The following PXDNL variants were observed in gnomAD, a reference collection of about 807,000 sequenced individuals.
PXDNL encodes the protein peroxidasin like.
In PXDNL, 145 loss-of-function variants were observed where a neutral mutation model predicts 150.8. That is an observed-to-expected ratio of 0.96 (90% CI 0.84 to 1.10). PXDNL has a LOEUF of 1.10. Ranked by LOEUF, PXDNL falls within the 50% of genes least tolerant of loss-of-function variation. The pLI is 0.00. For missense variants in PXDNL, 2,087 were observed against 1,873.9 expected (o/e 1.11, Z -2.10); for synonymous variants, 757 against 725.7 (o/e 1.04, Z -0.69).
intron 1 of PXDNL, among the ~76,000 whole-genome samples, chr8:51,672,555 T>C (rs1389417887): frequency 6.6e-6 from 1 of 152,148 alleles, no homozygotes; most frequent in African/African-American, 2.4e-5. Context: ...CCTGAAGCTC[T>C]TGGGGAAAGG....
In PXDNL at chr8:51,453,426, C is replaced by A. The variant is rs1354456175; in HGVS notation, c.1249+93G>T. Reference sequence around the variant, plus strand: ...AAATAATTGGCAAATAAAAATATTTCTCCACTGATGTACATGACATTATTT... The same window carrying A: ...AAATAATTGGCAAATAAAAATATTTATCCACTGATGTACATGACATTATTT... On this transcript the variant is annotated intron_variant, in intron 10 of 22. Coordinates refer to ENST00000356297, the MANE Select transcript of PXDNL (RefSeq NM_144651.5). 4.1e-6 allele frequency: 5 copies of A among 1,225,882 alleles called. No individual in the cohort carries two copies. The African/African-American group carries it at 6.0e-5, about 15-fold the overall frequency. The allele number at this position is 1,225,882 out of a possible 1,614,324, so 75.9% of individuals were successfully genotyped here.
chr8:51,661,619 G>A (rs6994368), intron 1 of PXDNL, among the ~76,000 whole-genome samples: 11,114 of 152,158 alleles, frequency 0.073, 1,346 homozygotes, highest in African/African-American at 0.25. Flanking sequence ...CTGCCCTGAA[G>A]ATATCAGAGC....
intron 2 of PXDNL, among the ~76,000 whole-genome samples, chr8:51,599,571 T>C (rs1033693830): frequency 2.0e-5 from 3 of 149,084 alleles, no homozygotes; most frequent in Non-Finnish European, 4.5e-5. Flanking sequence ...GGCCCAAGGG[T>C]ATGAGTTGCT....
chr8:51,801,918 T>C (rs561334749), intron 1 of PXDNL, among the ~76,000 whole-genome samples: 106 of 152,306 alleles, frequency 7.0e-4, no homozygotes, highest in Non-Finnish European at 1.2e-3. Context: ...ACCATGCATG[T>C]AGGCAGGTGC....
chr8:51,799,756 G>T (rs2037599588), intron 1 of PXDNL, among the ~76,000 whole-genome samples: 1 of 152,146 alleles, frequency 6.6e-6, no homozygotes, highest in South Asian at 2.1e-4. Context: ...TTCTGATCTA[G>T]GTATGAAGAA....
In PXDNL at chr8:51,413,396, ATC is replaced by A; in HGVS notation, c.1796-140_1796-139del. 5.0e-6 allele frequency: 3 copies of A among 601,412 alleles called. No individual in the cohort carries two copies. The South Asian group carries it at 6.2e-5, about 12-fold the overall frequency. 37.3% of individuals were successfully genotyped at this position (601,412 alleles called of 1,614,324 possible). A position where few individuals can be genotyped will look rare whatever the true frequency, so the allele number is the denominator to read the frequency against. On this transcript the variant is annotated intron_variant, in intron 14 of 22. Coordinates refer to ENST00000356297, the MANE Select transcript of PXDNL (RefSeq NM_144651.5). Reference sequence around the variant, plus strand: ...TAAGACAATGAAAATGTTATACAATATCTACATGATAATGCCCATTGCAGAGA... The same window carrying A: ...TAAGACAATGAAAATGTTATACAATATACATGATAATGCCCATTGCAGAGA...
Position 51,408,718 on chromosome 8 carries a change from G to T in PXDNL, c.2906C>A (p.Ala969Asp). 4.4e-6 allele frequency: 7 copies of T among 1,592,128 alleles called. No homozygotes were observed. Among genetic ancestry groups the T allele is most frequent in the Non-Finnish European group, 5.1e-6 (6 of 1,169,116 alleles). ...TTCCCGGAACCACAGGGTGTGCATG[G>T]CGGCCAGAGCCAGATGCTCGTTGGC... ...HRANEHLALA[A>D]MHTLWFREHN... The change falls in exon 17 of 23, where the codon GCC (alanine) becomes GAC (aspartate). Residue 969 changes from alanine (A) to aspartate (D), a missense_variant. Ala to Asp is a moderately radical substitution (Grantham distance 126, BLOSUM62 -2). Coordinates refer to ENST00000356297, the MANE Select transcript of PXDNL (RefSeq NM_144651.5).
At chr8:51,796,175 C>T (rs1402939321) in intron 1 of PXDNL, among the ~76,000 whole-genome samples, 2 of 151,938 alleles carry the variant, frequency 1.3e-5, no homozygotes, top group Admixed American at 1.3e-4. Flanking sequence ...CTAGAAAGAT[C>T]TCAAATTGAC....
At chr8:51,547,997 C>G (rs1055705959) in intron 4 of PXDNL, among the ~76,000 whole-genome samples, 1 of 151,030 alleles carries the variant, frequency 6.6e-6, no homozygotes, top group African/African-American at 2.4e-5. Context: ...AACACAATCA[C>G]AACTTCTAGA....
intron 19 of PXDNL, among the ~76,000 whole-genome samples, chr8:51,350,180 C>T (rs1806292540): frequency 1.3e-5 from 2 of 151,784 alleles, no homozygotes; most frequent in African/African-American, 2.4e-5. Flanking sequence ...GCTGGTCGCC[C>T]AAGATAGGGT....
At chr8:51,637,146 G>C (rs1563490872) in intron 2 of PXDNL, among the ~76,000 whole-genome samples, 1 of 152,062 alleles carries the variant, frequency 6.6e-6, no homozygotes, top group Non-Finnish European at 1.5e-5. Flanking sequence ...CTATTAGAAG[G>C]AAAACTAACA....
chr8:51,792,766 TG>T (rs1346217172), intron 1 of PXDNL, among the ~76,000 whole-genome samples: 1 of 152,190 alleles, frequency 6.6e-6, no homozygotes, highest in East Asian at 1.9e-4. Flanking sequence ...CCCTCCTCAC[TG>T]GGCGGGGCCT....
chr8:51,627,031 G>GT lies in PXDNL; in HGVS notation c.236+27657dup, dbSNP rs914543915. Among the ~76,000 whole-genome samples the GT allele has an allele frequency of 1.4e-4, 21 of 152,186 alleles. No individual in the cohort carries two copies. The South Asian group carries it at 1.5e-3, about 11-fold the overall frequency. Reference sequence around the variant, plus strand: ...AAACTTACAAGAGCACATTTAATAAGTTTTTTTAACATCAACAAAGCATAT... The same window carrying GT: ...AAACTTACAAGAGCACATTTAATAAGTTTTTTTTAACATCAACAAAGCATAT... On this transcript the variant is annotated intron_variant, in intron 2 of 22. Coordinates refer to ENST00000356297, the MANE Select transcript of PXDNL (RefSeq NM_144651.5).
intron 1 of PXDNL, among the ~76,000 whole-genome samples, chr8:51,698,007 C>G (rs1185480977): frequency 6.6e-6 from 1 of 152,196 alleles, no homozygotes; most frequent in Non-Finnish European, 1.5e-5. Context: ...GTAAAACATA[C>G]TTTACTGCTA....
At chr8:51,355,610 C>T (rs1041248710) in intron 19 of PXDNL, among the ~76,000 whole-genome samples, 2 of 152,156 alleles carry the variant, frequency 1.3e-5, no homozygotes, top group Non-Finnish European at 2.9e-5. Context: ...GAGAGTAAAT[C>T]ATTTTCTGTT....
chr8:51,739,260 G>C (rs554069475), intron 1 of PXDNL, among the ~76,000 whole-genome samples: 5 of 151,928 alleles, frequency 3.3e-5, no homozygotes, highest in Admixed American at 6.6e-5. Flanking sequence ...ACCTGATAAA[G>C]AGCATCTATA....
chr8:51,588,437 C>CT (rs1359711111), intron 3 of PXDNL, among the ~76,000 whole-genome samples: 6 of 152,128 alleles, frequency 3.9e-5, no homozygotes, highest in African/African-American at 1.4e-4. Flanking sequence ...AGCCCAGACT[C>CT]TTTTTTCACT....
chr8:51,653,933 A>G (rs6473635), intron 2 of PXDNL, among the ~76,000 whole-genome samples: 142,430 of 152,276 alleles, frequency 0.94, 66,724 homozygotes, highest in East Asian at 0.99. Flanking sequence ...TTGAACCTCC[A>G]GTCATCATCT....
chr8:51,536,600 T>G (rs1013502406), intron 4 of PXDNL, among the ~76,000 whole-genome samples: 3 of 150,652 alleles, frequency 2.0e-5, no homozygotes, highest in African/African-American at 7.4e-5. Context: ...TGGCACCGAG[T>G]TTTTTCAATA....
Sources: gnomAD v4.1 joint callset for allele counts (sites outside exome capture counted in the v4.1 genomes callset) on GRCh38, gnomAD v4.1.1 for gene constraint, MANE v1.5 for transcripts, NCBI Gene and HGNC (gene_info 2026-07-23, HGNC 2026-07-21) for gene names.